MARCHF1: variants seen among roughly 807,000 people sequenced by gnomAD.
MARCHF1 encodes the protein E3 ubiquitin-protein ligase MARCHF1.
MARCHF1 carries 40 observed loss-of-function variants against 54.2 expected under a neutral mutation model. That is an observed-to-expected ratio of 0.74 (90% CI 0.57 to 0.96). MARCHF1 has a LOEUF of 0.96. MARCHF1 is among the 40% of genes least tolerant of loss of function. The pLI is 0.00. For synonymous variants in MARCHF1, 236 were observed against 236.3 expected (o/e 1.00, Z 0.01); for missense variants, 586 against 656.5 (o/e 0.89, Z 1.17).
intron 1 of MARCHF1, among the ~76,000 whole-genome samples, chr4:164,351,710 G>T (rs11723895): frequency 0.44 from 66,733 of 150,726 alleles, 15,455 homozygotes; most frequent in Non-Finnish European, 0.51. Flanking sequence ...GCGCCTCTCC[G>T]CCTCCAAAGG....
intron 1 of MARCHF1, among the ~76,000 whole-genome samples, chr4:164,205,255 T>C (rs1731574348): frequency 6.6e-6 from 1 of 152,202 alleles, no homozygotes; most frequent in South Asian, 2.1e-4. Flanking sequence ...GAGCTTGTAT[T>C]TACTGAGCAG....
intron 1 of MARCHF1, among the ~76,000 whole-genome samples, chr4:164,296,032 G>C (rs1181672326): frequency 6.6e-6 from 1 of 152,044 alleles, no homozygotes; most frequent in Non-Finnish European, 1.5e-5. Flanking sequence ...AACAAAATAG[G>C]AGTCTCTTAA....
intron 4 of MARCHF1, among the ~76,000 whole-genome samples, chr4:163,793,267 T>A (rs1334125245): frequency 6.6e-6 from 1 of 152,154 alleles, no homozygotes; most frequent in Non-Finnish European, 1.5e-5. Context: ...CAGGAATATG[T>A]TTTACCTACT....
intron 1 of MARCHF1, among the ~76,000 whole-genome samples, chr4:164,240,830 T>C (rs758802419): frequency 2.0e-5 from 3 of 152,064 alleles, no homozygotes; most frequent in Middle Eastern, 3.2e-3. Flanking sequence ...CATTCCTTGT[T>C]TGGGGACTGA....
chr4:163,748,208 A>G (rs1746417233), intron 4 of MARCHF1, among the ~76,000 whole-genome samples: 2 of 152,076 alleles, frequency 1.3e-5, no homozygotes, highest in African/African-American at 4.8e-5. Flanking sequence ...GCTCTACAGA[A>G]CCTTCTGATC....
At chr4:163,754,087 A>G (rs1321367650) in intron 4 of MARCHF1, among the ~76,000 whole-genome samples, 2 of 152,194 alleles carry the variant, frequency 1.3e-5, no homozygotes, top group African/African-American at 4.8e-5. Flanking sequence ...GAAGGTCAAC[A>G]TTGTTATCAG....
chr4:163,781,801 G>T (rs1484651271), intron 4 of MARCHF1, among the ~76,000 whole-genome samples: 1 of 152,132 alleles, frequency 6.6e-6, no homozygotes, highest in Non-Finnish European at 1.5e-5. Flanking sequence ...AGGGCCTGAG[G>T]CAAAATGATT....
At chr4:163,589,434 A>G (rs1740514633) in intron 7 of MARCHF1, among the ~76,000 whole-genome samples, 1 of 152,044 alleles carries the variant, frequency 6.6e-6, no homozygotes, top group Non-Finnish European at 1.5e-5. Flanking sequence ...CACATGATTT[A>G]TTTTTATATA....
At chr4:164,093,355 TG>T (rs1281022399) in intron 2 of MARCHF1, among the ~76,000 whole-genome samples, 2 of 152,134 alleles carry the variant, frequency 1.3e-5, no homozygotes, top group Non-Finnish European at 2.9e-5. Context: ...TTTATAAAAA[TG>T]GATTTTATCA....
At chr4:164,305,570 T>C (rs116652765) in intron 1 of MARCHF1, among the ~76,000 whole-genome samples, 2,273 of 152,288 alleles carry the variant, frequency 0.015, 67 homozygotes, top group African/African-American at 0.051. Flanking sequence ...TATTCTTTTC[T>C]TCAAAGATTG....
At chr4:163,879,704 A>G (rs1016031692) in intron 3 of MARCHF1, among the ~76,000 whole-genome samples, 4 of 152,180 alleles carry the variant, frequency 2.6e-5, no homozygotes, top group Non-Finnish European at 5.9e-5. Context: ...TACTGAAAAA[A>G]AGTCACATTT....
intron 4 of MARCHF1, among the ~76,000 whole-genome samples, chr4:163,709,692 T>C (rs199658377): frequency 2.0e-5 from 3 of 152,260 alleles, no homozygotes; most frequent in East Asian, 3.9e-4. Flanking sequence ...GTGGGATTGG[T>C]GGAAAAATCA....
intron 1 of MARCHF1, among the ~76,000 whole-genome samples, chr4:164,229,978 C>T (rs1411868719): frequency 6.6e-6 from 1 of 152,146 alleles, no homozygotes; most frequent in African/African-American, 2.4e-5. Flanking sequence ...GGACACAGAT[C>T]CAAACCGTAC....
At chr4:164,180,597 C>T (rs896753529) in intron 1 of MARCHF1, among the ~76,000 whole-genome samples, 1 of 152,062 alleles carries the variant, frequency 6.6e-6, no homozygotes, top group African/African-American at 2.4e-5. Context: ...GATTATGCAG[C>T]AGAGGAGACA....
chr4:163,827,946 C>T (rs7697536), intron 4 of MARCHF1, among the ~76,000 whole-genome samples: 127,968 of 151,496 alleles, frequency 0.84, 54,570 homozygotes, highest in East Asian at 0.95. Flanking sequence ...ATGTTATGCA[C>T]GCTGATTCAG....
At chr4:163,682,864 A>G (rs2111170019) in intron 5 of MARCHF1, among the ~76,000 whole-genome samples, 1 of 152,124 alleles carries the variant, frequency 6.6e-6, no homozygotes, top group Non-Finnish European at 1.5e-5. Flanking sequence ...AGCCAATTAA[A>G]CCTTTTTCCT....
intron 5 of MARCHF1, among the ~76,000 whole-genome samples, chr4:163,626,523 C>T (rs1027144151): frequency 6.6e-6 from 1 of 152,152 alleles, no homozygotes. Context: ...GATTTTAGAA[C>T]TTCAGATGGG....
chr4:163,979,122 T>C (rs1224669475), intron 3 of MARCHF1, among the ~76,000 whole-genome samples: 9 of 121,982 alleles, frequency 7.4e-5, no homozygotes, highest in Non-Finnish European at 1.3e-4. Context: ...CTGCACCCAC[T>C]AACTCGTCAT....
intron 3 of MARCHF1, among the ~76,000 whole-genome samples, chr4:163,968,329 A>G (rs1456401414): frequency 6.6e-6 from 1 of 152,164 alleles, no homozygotes; most frequent in Non-Finnish European, 1.5e-5. Flanking sequence ...CTACATAGGC[A>G]GGGCAAAATA....
Sources: gnomAD v4.1 joint callset for allele counts (sites outside exome capture counted in the v4.1 genomes callset) on GRCh38, gnomAD v4.1.1 for gene constraint, MANE v1.5 for transcripts, NCBI Gene and HGNC (gene_info 2026-07-23, HGNC 2026-07-21) for gene names.